OPRD1: variants seen among roughly 807,000 people sequenced by gnomAD.
The protein encoded by OPRD1 is opioid receptor delta 1.
OPRD1 carries 19 observed loss-of-function variants against 17.5 expected under a neutral mutation model. The ratio of observed to expected loss-of-function variants is 1.09; its 90% CI spans 0.76 to 1.60. The LOEUF (loss-of-function observed/expected upper bound fraction) is 1.60, where lower values mean the gene tolerates loss of function less well. Among genes scored for constraint, OPRD1 ranks in the 40% most tolerant of loss-of-function variants. The pLI is 0.00. For synonymous variants in OPRD1, 256 were observed against 240.9 expected, an observed-to-expected ratio of 1.06 and a Z score of -0.58; for missense variants, 483 against 547.2, an observed-to-expected ratio of 0.88 and a Z score of 1.17.
chr1:28,839,770 A>G (rs2088880339), intron 1 of OPRD1, among the ~76,000 whole-genome samples: 1 of 152,246 alleles, frequency 6.6e-6, no homozygotes, highest in Non-Finnish European at 1.5e-5. Context: ...CATTTCCCCC[A>G]CGACCAGCAG....
At position 28,867,605 on chromosome 1, in the gene OPRD1, GT is replaced by G. The variant is rs2089186066; in HGVS notation, c.*4323del. Reference sequence around the variant, plus strand: ...AATTCTCCTGCCTTGGCCTCCCAAAGTACTGGGTTTACAGGTGTGAGCCACT... The same window carrying G: ...AATTCTCCTGCCTTGGCCTCCCAAAGACTGGGTTTACAGGTGTGAGCCACT... On this transcript the variant is annotated 3_prime_UTR_variant, in exon 3 of 3. Transcript: ENST00000234961. 2 of 152,110 alleles carry G rather than the reference GT, an allele frequency of 1.3e-5. No homozygotes were observed. The highest frequency in any genetic ancestry group is 1.3e-4 in the Admixed American group (2 of 15,260). The allele number at this position is 152,110 out of a possible 1,614,324, so 9.4% of individuals were successfully genotyped here.
Position 28,863,109 on chromosome 1 carries a change from C to T in OPRD1, c.945C>T (p.Pro315=), listed in dbSNP as rs1429781947. The change falls in exon 3 of 3, where the codon CCC becomes CCT. Residue 315 remains proline (P), a synonymous_variant. Transcript: ENST00000234961. ...ALGYANSSLN[P]VLYAFLDENF... The stretch of plus-strand genomic sequence containing the variant: ...GCTACGCCAATAGCAGCCTCAACCC[C>T]GTGCTCTACGCTTTCCTCGACGAGA... The T allele has an allele frequency of 3.1e-6, 5 of 1,610,382 alleles. No individual in the cohort carries two copies. The highest frequency in any genetic ancestry group is 4.2e-6 in the Non-Finnish European group (5 of 1,179,200).
chr1:28,814,712 G>A (rs2124254752), intron 1 of OPRD1, among the ~76,000 whole-genome samples: 1 of 152,318 alleles, frequency 6.6e-6, no homozygotes, highest in South Asian at 2.1e-4. Flanking sequence ...GGAGGCTCTG[G>A]GCTCAGCCTG....
At chr1:28,854,297 G>T (rs1240889182) in intron 1 of OPRD1, among the ~76,000 whole-genome samples, 1 of 151,594 alleles carries the variant, frequency 6.6e-6, no homozygotes, top group Non-Finnish European at 1.5e-5. Flanking sequence ...CATTATCAGA[G>T]CTCACTGCAG....
chr1:28,853,939 C>G (rs1162672588), intron 1 of OPRD1, among the ~76,000 whole-genome samples: 1 of 151,864 alleles, frequency 6.6e-6, no homozygotes, highest in East Asian at 1.9e-4. Flanking sequence ...TAGGGTTTTT[C>G]CATGTTGTCC....
intron 1 of OPRD1, among the ~76,000 whole-genome samples, chr1:28,816,372 G>A (rs546183762): frequency 1.3e-5 from 2 of 152,104 alleles, no homozygotes; most frequent in Non-Finnish European, 2.9e-5. Context: ...GCTAAAGGAC[G>A]AGGAGGGGAA....
intron 1 of OPRD1, among the ~76,000 whole-genome samples, chr1:28,847,891 A>G (rs527465377): frequency 4.6e-5 from 7 of 152,232 alleles, no homozygotes; most frequent in South Asian, 2.1e-4. Context: ...TGTTGGGCTT[A>G]GGGCTCTCAT....
chr1:28,833,154 A>C (rs1240226786), intron 1 of OPRD1, among the ~76,000 whole-genome samples: 1 of 152,202 alleles, frequency 6.6e-6, no homozygotes, highest in African/African-American at 2.4e-5. Flanking sequence ...GGAACAATGT[A>C]ATGTGCCCAT....
intron 1 of OPRD1, among the ~76,000 whole-genome samples, chr1:28,816,918 A>G (rs1271598759): frequency 1.3e-5 from 2 of 152,002 alleles, no homozygotes; most frequent in African/African-American, 4.8e-5. Context: ...CCTGGCCCAG[A>G]TCCTGGGTGG....
intron 1 of OPRD1, among the ~76,000 whole-genome samples, chr1:28,846,882 C>CT (rs757325689): frequency 1.8e-5 from 1 of 55,572 alleles, no homozygotes; most frequent in African/African-American, 4.0e-5. Flanking sequence ...TTCTTTCTTT[C>CT]TTTCTTTCTT....
chr1:28,870,861 G>T lies in OPRD1; in HGVS notation c.*7578G>T, dbSNP rs1197928977. On this transcript the variant is annotated 3_prime_UTR_variant, in exon 3 of 3. Coordinates refer to ENST00000234961, the MANE Select transcript of OPRD1 (RefSeq NM_000911.4). Reference sequence around the variant, plus strand: ...CATCTAGAATCTCCTCTCGGAATGAGGAGACCGCAAATGTGGTTTTGAATC... The same window carrying T: ...CATCTAGAATCTCCTCTCGGAATGATGAGACCGCAAATGTGGTTTTGAATC... 6.6e-6 allele frequency: 1 copy of T among 152,256 alleles called. No homozygotes were observed. The highest frequency in any genetic ancestry group is 2.4e-5 in the African/African-American group (1 of 41,456). 9.4% of individuals were successfully genotyped at this position (152,256 alleles called of 1,614,324 possible).
intron 1 of OPRD1, among the ~76,000 whole-genome samples, chr1:28,853,122 AG>A (rs1279590204): frequency 2.6e-5 from 4 of 152,222 alleles, no homozygotes; most frequent in Non-Finnish European, 4.4e-5. Flanking sequence ...CTACTGTAAT[AG>A]GGCATTGTGA....
chr1:28,859,009 G>A lies in OPRD1; in HGVS notation c.283G>A (p.Asp95Asn), dbSNP rs201533642. The stretch of plus-strand genomic sequence containing the variant: ...CTACATCTTCAACCTGGCCTTAGCC[G>A]ATGCGCTGGCCACCAGCACGCTGCC... ...NIYIFNLALADALATSTLPFQ... is the reference protein window; with the variant it reads ...NIYIFNLALANALATSTLPFQ... Residue 95 changes from aspartate (D) to asparagine (N), a missense_variant, in exon 2 of 3, where the codon GAT becomes AAT. By Grantham distance (23) the Asp-to-Asn change is conservative. Transcript: ENST00000234961. 5 of 1,613,874 alleles carry A rather than the reference G, an allele frequency of 3.1e-6. No homozygotes were observed. Among genetic ancestry groups the A allele is most frequent in the East Asian group, 2.2e-5 (1 of 44,890 alleles).
rs1377127622 is a variant in OPRD1 at position 28,865,892 on chromosome 1, G to C, written c.*2609G>C. On this transcript the variant is annotated 3_prime_UTR_variant, in exon 3 of 3. Transcript: ENST00000234961. ...GCCAGGCTGTTTACTCTCCCTGCAG[G>C]ACCTGTGTCCCCTCCCAGGATAGGC... 6.6e-6 allele frequency: 1 copy of C among 152,240 alleles called. No individual in the cohort carries two copies. Among genetic ancestry groups the C allele is most frequent in the African/African-American group, 2.4e-5 (1 of 41,448 alleles). 9.4% of individuals were successfully genotyped at this position (152,240 alleles called of 1,614,324 possible).
At position 28,859,029 on chromosome 1, in the gene OPRD1, G is replaced by A. The variant is rs371917215; in HGVS notation, c.303G>A (p.Thr101=). ...TAGCCGATGCGCTGGCCACCAGCACGCTGCCTTTCCAGAGTGCCAAGTACC... is the reference window on the plus strand; with the variant it reads ...TAGCCGATGCGCTGGCCACCAGCACACTGCCTTTCCAGAGTGCCAAGTACC... ...LALADALATS[T]LPFQSAKYLM... is the part of the protein sequence containing the mutation. The change falls in exon 2 of 3, where the codon ACG becomes ACA. Residue 101 remains threonine, a synonymous_variant. Transcript: ENST00000234961. The A allele has an allele frequency of 9.4e-5, 151 of 1,613,916 alleles. No homozygotes were observed. Among genetic ancestry groups the A allele is most frequent in the Non-Finnish European group, 8.4e-5 (99 of 1,180,036 alleles).
chr1:28,850,042 G>C (rs974136124), intron 1 of OPRD1, among the ~76,000 whole-genome samples: 2 of 152,120 alleles, frequency 1.3e-5, no homozygotes. Flanking sequence ...ACTACGTCTG[G>C]CTAATTTTTT....
intron 1 of OPRD1, among the ~76,000 whole-genome samples, chr1:28,836,944 G>C (rs2088859082): frequency 6.6e-6 from 1 of 152,016 alleles, no homozygotes; most frequent in African/African-American, 2.4e-5. Context: ...GGGGGAACGG[G>C]GATAGTTTCA....
chr1:28,846,858 CTT>C (rs367638096), intron 1 of OPRD1, among the ~76,000 whole-genome samples: 1 of 54,360 alleles, frequency 1.8e-5, no homozygotes, highest in African/African-American at 5.1e-5. Flanking sequence ...TTCTTTCTTT[CTT>C]TCTTTCTTTC....
intron 1 of OPRD1, among the ~76,000 whole-genome samples, chr1:28,856,914 T>C (rs965175935): frequency 6.6e-6 from 1 of 152,150 alleles, no homozygotes; most frequent in Non-Finnish European, 1.5e-5. Context: ...GGATGCACTG[T>C]GGCTTCTGCA....
Sources: allele counts gnomAD v4.1 joint callset (sites outside exome capture counted in the v4.1 genomes callset), GRCh38; gene constraint gnomAD v4.1.1; transcripts MANE v1.5; gene names NCBI Gene and HGNC (gene_info 2026-07-23, HGNC 2026-07-21).